Variants in DIAPH2 observed in about 807,000 individuals in gnomAD.
DIAPH2 encodes protein diaphanous homolog 2.
DIAPH2 carries 35 observed loss-of-function variants against 92.7 expected under a neutral mutation model. That is an observed-to-expected ratio of 0.38 (90% CI 0.29 to 0.50). The LOEUF (loss-of-function observed/expected upper bound fraction) is 0.50, where lower values mean the gene tolerates loss of function less well. Ranked by LOEUF, DIAPH2 falls within the 20% of genes least tolerant of loss-of-function variation. The probability of loss-of-function intolerance (pLI) is 0.94; values close to 1 mark genes in which losing one functional copy is unlikely to be tolerated. For synonymous variants in DIAPH2, 301 were observed against 280.4 expected (o/e 1.07, Z -0.73); for missense variants, 701 against 819.5 (o/e 0.86, Z 1.77).
chrX:96,946,216 C>G (rs1252593674), intron 14 of DIAPH2, among the ~76,000 whole-genome samples: 7 of 111,725 alleles, frequency 6.3e-5, no homozygotes, highest in Non-Finnish European at 1.3e-4. Context: ...GAATTGTATT[C>G]AGATCTAAGC....
intron 21 of DIAPH2, among the ~76,000 whole-genome samples, chrX:97,132,570 A>G (rs1289883606): frequency 8.9e-6 from 1 of 112,177 alleles, no homozygotes; most frequent in South Asian, 3.7e-4. Flanking sequence ...TTGTTTAAAT[A>G]AAGGAGACTA....
At chrX:97,034,663 CTCT>C (rs2066398376) in intron 17 of DIAPH2, among the ~76,000 whole-genome samples, 1 of 111,150 alleles carries the variant, frequency 9.0e-6, no homozygotes, top group African/African-American at 3.3e-5. Flanking sequence ...ACATAACCTC[CTCT>C]TTTCTCGTAT....
At chrX:97,403,025 A>C (rs1201532009) in intron 25 of DIAPH2, among the ~76,000 whole-genome samples, 1 of 111,936 alleles carries the variant, frequency 8.9e-6, no homozygotes, top group Non-Finnish European at 1.9e-5. Flanking sequence ...ATTATTCAGA[A>C]TTTCAAGATG....
At chrX:96,901,877 A>C (rs2065399807) in intron 5 of DIAPH2, among the ~76,000 whole-genome samples, 1 of 110,858 alleles carries the variant, frequency 9.0e-6, no homozygotes. Flanking sequence ...GTGTGACATT[A>C]GGTTGTCAAT....
At chrX:96,912,220 A>G in intron 5 of DIAPH2, 108 bp from the exon 6 acceptor site, 1 of 632,282 alleles carries the variant, frequency 1.6e-6, no homozygotes, top group Non-Finnish European at 2.5e-6. Flanking sequence ...ATGACAAGCA[A>G]TATTGAGACA....
intron 19 of DIAPH2, among the ~76,000 whole-genome samples, chrX:97,081,023 T>C (rs2066739928): frequency 8.9e-6 from 1 of 112,294 alleles, no homozygotes; most frequent in Admixed American, 9.4e-5. Context: ...ATGGCATTAG[T>C]ATTGTAGAAT....
chrX:96,842,196 G>T (rs921894064), intron 4 of DIAPH2, among the ~76,000 whole-genome samples: 1 of 111,699 alleles, frequency 9.0e-6, no homozygotes, highest in Admixed American at 9.5e-5. Flanking sequence ...TAAAGGTCCA[G>T]TGCCATTTCT....
At chrX:97,379,381 C>T (rs1479213871) in intron 24 of DIAPH2, among the ~76,000 whole-genome samples, 1 of 112,095 alleles carries the variant, frequency 8.9e-6, no homozygotes, top group Non-Finnish European at 1.9e-5. Context: ...TTAAATGATT[C>T]TGTTATACAT....
chrX:97,537,950 T>A (rs2052308090), intron 26 of DIAPH2, among the ~76,000 whole-genome samples: 1 of 105,955 alleles, frequency 9.4e-6, no homozygotes, highest in South Asian at 4.5e-4. Flanking sequence ...AGTGGTGCGA[T>A]CTCGGCTCAC....
intron 4 of DIAPH2, among the ~76,000 whole-genome samples, chrX:96,832,910 A>G (rs1242469739): frequency 8.9e-6 from 1 of 111,759 alleles, no homozygotes; most frequent in Non-Finnish European, 1.9e-5. Flanking sequence ...AATTATTTTT[A>G]GATATATATG....
rs1015296978 is a variant in DIAPH2, at chrX:97,526,830, G to A, written c.3242-72423G>A. On this transcript the variant is annotated intron_variant, in intron 26 of 26. Coordinates refer to ENST00000324765, the MANE Select transcript of DIAPH2 (RefSeq NM_006729.5). Reference sequence around the variant, plus strand: ...ACACCCACTCTGCTTCTGCTTTTCCGTTTGGTATTCTACAAGCCTTTTTCC... The same window carrying A: ...ACACCCACTCTGCTTCTGCTTTTCCATTTGGTATTCTACAAGCCTTTTTCC... Among the ~76,000 whole-genome samples the A allele has an allele frequency of 1.3e-4, 14 of 111,416 alleles. No homozygotes were observed. The East Asian group carries it at 2.0e-3, about 16-fold the overall frequency.
At chrX:96,943,537 C>T (rs987698717) in intron 13 of DIAPH2, among the ~76,000 whole-genome samples, 2 of 110,755 alleles carry the variant, frequency 1.8e-5, no homozygotes, top group African/African-American at 6.5e-5. Flanking sequence ...GGACTATTTT[C>T]AAATATGTAT....
At chrX:97,469,081 T>A (rs2147808285) in intron 26 of DIAPH2, among the ~76,000 whole-genome samples, 2 of 112,235 alleles carry the variant, frequency 1.8e-5, no homozygotes, top group Admixed American at 1.9e-4. Flanking sequence ...AATGAATTAC[T>A]TCTTCCTAAG....
At chrX:97,590,001 A>C (rs967856186) in intron 26 of DIAPH2, among the ~76,000 whole-genome samples, 12 of 112,643 alleles carry the variant, frequency 1.1e-4, no homozygotes, top group African/African-American at 3.9e-4. Flanking sequence ...AGTGTGTGTG[A>C]TATTAACCAT....
At chrX:96,973,926 C>G (rs1203614121) in intron 17 of DIAPH2, among the ~76,000 whole-genome samples, 1 of 111,121 alleles carries the variant, frequency 9.0e-6, no homozygotes, top group Non-Finnish European at 1.9e-5. Context: ...AACTCCCGAC[C>G]TCAGGTGATC....
rs906697919 is a variant in DIAPH2 at position 97,366,337 on chromosome X, C to T, written c.3010-17572C>T. 6.2e-5 allele frequency among the ~76,000 whole-genome samples: 7 copies of T among 112,058 alleles called. No homozygotes were observed. The East Asian group carries it at 8.4e-4, about 13-fold the overall frequency. Reference sequence around the variant, plus strand: ...TATTTTAACGACTCCTTTTACTCTTCGTCAACATTGATTTAGCAAATATTT... The same window carrying T: ...TATTTTAACGACTCCTTTTACTCTTTGTCAACATTGATTTAGCAAATATTT... On this transcript the variant is annotated intron_variant, in intron 24 of 26. Transcript: ENST00000324765.
chrX:97,330,227 T>C (rs921881285), intron 23 of DIAPH2, among the ~76,000 whole-genome samples: 1 of 108,898 alleles, frequency 9.2e-6, no homozygotes, highest in African/African-American at 3.3e-5. Flanking sequence ...AATTTTTGAA[T>C]GTACAGTACA....
intron 26 of DIAPH2, among the ~76,000 whole-genome samples, chrX:97,528,066 T>G (rs2071035431): frequency 8.9e-6 from 1 of 111,773 alleles, no homozygotes; most frequent in African/African-American, 3.3e-5. Flanking sequence ...AAAACAACTT[T>G]ATACTTTAGC....
intron 4 of DIAPH2, among the ~76,000 whole-genome samples, chrX:96,766,282 G>A (rs781044445): frequency 1.7e-4 from 19 of 109,021 alleles, no homozygotes; most frequent in African/African-American, 5.7e-4. Context: ...AATGAGGTAC[G>A]TGTTTTGATC....
Sources: allele counts gnomAD v4.1 joint callset (sites outside exome capture counted in the v4.1 genomes callset), GRCh38; gene constraint gnomAD v4.1.1; transcripts MANE v1.5; gene names NCBI Gene and HGNC (gene_info 2026-07-23, HGNC 2026-07-21).